VIRMA: variants seen among roughly 807,000 people sequenced by gnomAD.
VIRMA encodes protein virilizer homolog.
A neutral mutation model predicts 182.4 loss-of-function variants in VIRMA; 65 were observed. That is an observed-to-expected ratio of 0.36 (90% CI 0.29 to 0.44). VIRMA has a LOEUF of 0.44. VIRMA is among the 20% of genes least tolerant of loss of function. The probability of loss-of-function intolerance (pLI) is 1.00; values close to 1 mark genes in which losing one functional copy is unlikely to be tolerated. For missense variants in VIRMA, 1,752 were observed against 2,158.1 expected, an observed-to-expected ratio of 0.81 and a Z score of 3.73; for synonymous variants, 709 against 743.1, an observed-to-expected ratio of 0.95 and a Z score of 0.75.
Position 94,506,531 on chromosome 8 carries a change from C to G in VIRMA, c.4066G>C (p.Glu1356Gln). The change falls in exon 16 of 24, where the codon GAG (glutamate) becomes CAG (glutamine). Residue 1356 changes from glutamate (E) to glutamine (Q), a missense_variant. By Grantham distance (29) the Glu-to-Gln change is conservative. This residue lies in a region of VIRMA where 777 missense variants were observed against 920.6 expected (regional missense o/e 0.84). Coordinates refer to ENST00000297591, the MANE Select transcript of VIRMA (RefSeq NM_015496.5). ...TCVRTMMFLAEHDYGLFHLKS... is the reference protein window; with the variant it reads ...TCVRTMMFLAQHDYGLFHLKS... ...AAATGAAATAATCCATAATCATGCTCTGCAAGAAACATCATTGTTCTGACA... is the reference window on the plus strand; with the variant it reads ...AAATGAAATAATCCATAATCATGCTGTGCAAGAAACATCATTGTTCTGACA... The G allele has an allele frequency of 1.2e-6, 2 of 1,612,078 alleles. No individual in the cohort carries two copies. Among genetic ancestry groups the G allele is most frequent in the Non-Finnish European group, 1.7e-6 (2 of 1,178,482 alleles).
At chr8:94,551,012 G>A (rs960610874) in intron 1 of VIRMA, among the ~76,000 whole-genome samples, 1 of 152,160 alleles carries the variant, frequency 6.6e-6, no homozygotes, top group African/African-American at 2.4e-5. Flanking sequence ...GAGCCACTGC[G>A]CCTGGCCTAA....
intron 22 of VIRMA, among the ~76,000 whole-genome samples, chr8:94,490,848 C>CAA (rs531665311): frequency 7.1e-6 from 1 of 140,818 alleles, no homozygotes; most frequent in Non-Finnish European, 1.6e-5. Flanking sequence ...ACTCTGTCTC[C>CAA]AAAAAAAAAA....
intron 15 of VIRMA, 139 bp downstream of exon 15, chr8:94,509,549 T>C: frequency 1.2e-6 from 1 of 855,942 alleles, no homozygotes; most frequent in East Asian, 2.8e-5. Flanking sequence ...AGAGAACCCA[T>C]GAACAACAGC....
intron 17 of VIRMA, chr8:94,496,897 G>C (rs1813799613): frequency 6.5e-6 from 1 of 153,780 alleles, no homozygotes; most frequent in Admixed American, 6.5e-5. Flanking sequence ...ACTATATTCT[G>C]TCACATAGAA....
chr8:94,534,747 A>C (rs1489109205), intron 5 of VIRMA, 92 bp downstream of exon 5: 3 of 1,486,886 alleles, frequency 2.0e-6, no homozygotes, highest in Admixed American at 4.0e-5. Flanking sequence ...ATAAAACAAA[A>C]ACAAAAGGTA....
rs767185847 is a variant in VIRMA at position 94,509,952 on chromosome 8, T to C, written c.3627-12A>G. On this transcript the variant is annotated splice_polypyrimidine_tract_variant and intron_variant, in intron 14 of 23. Coordinates refer to ENST00000297591, the MANE Select transcript of VIRMA (RefSeq NM_015496.5). Reference sequence around the variant, plus strand: ...TATCTTCTGAAGTGCTGAAATAAAATCGATACATTTAGTAAACAAAGTTCT... The same window carrying C: ...TATCTTCTGAAGTGCTGAAATAAAACCGATACATTTAGTAAACAAAGTTCT... 1.9e-6 allele frequency: 3 copies of C among 1,592,266 alleles called. No homozygotes were observed. The highest frequency in any genetic ancestry group is 1.4e-5 in the African/African-American group (1 of 73,924).
chr8:94,499,463 G>T lies in VIRMA; in HGVS notation c.4141C>A (p.Arg1381=). The change falls in exon 17 of 24, where the codon CGA becomes AGA. Residue 1381 remains arginine (R), a synonymous_variant. Coordinates refer to ENST00000297591, the MANE Select transcript of VIRMA (RefSeq NM_015496.5). The stretch of plus-strand genomic sequence containing the variant: ...TCCTTACTAAATGTGCTGACCACTC[G>T]TTTCAGTAAACTATGCAGAGCACTA... The part of the protein sequence containing the change: ...NSSALHSLLK[R]VVSTFSKDTG... 1.2e-6 allele frequency: 2 copies of T among 1,608,318 alleles called. No individual in the cohort carries two copies. Among genetic ancestry groups the T allele is most frequent in the South Asian group, 1.1e-5 (1 of 90,880 alleles).
chr8:94,538,823 A>T (rs1391327036), intron 2 of VIRMA, among the ~76,000 whole-genome samples: 2 of 152,128 alleles, frequency 1.3e-5, no homozygotes, highest in Non-Finnish European at 2.9e-5. Context: ...TATGTTAGCC[A>T]GGCTGGTCTC....
Position 94,510,638 on chromosome 8 carries a change from A to C in VIRMA, c.3405T>G (p.His1135Gln). ...PMQTTQVIEPHDISVALNTRK... is the reference protein window; with the variant it reads ...PMQTTQVIEPQDISVALNTRK... Reference sequence around the variant, plus strand: ...GGGTGTTGAGTGCCACTGATATATCATGTGGCTCAATAACCTGTTAAAAAA... The same window carrying C: ...GGGTGTTGAGTGCCACTGATATATCCTGTGGCTCAATAACCTGTTAAAAAA... Residue 1135 changes from histidine to glutamine, a missense_variant, in exon 14 of 24, where the codon CAT (histidine) becomes CAG (glutamine). Physicochemically the swap from His to Gln is conservative, Grantham distance 24. This residue lies in a region of VIRMA where 777 missense variants were observed against 920.6 expected (regional missense o/e 0.84). Coordinates refer to ENST00000297591, the MANE Select transcript of VIRMA (RefSeq NM_015496.5). The C allele has an allele frequency of 6.2e-7, 1 of 1,612,536 alleles. No individual in the cohort carries two copies. Among genetic ancestry groups the C allele is most frequent in the Non-Finnish European group, 8.5e-7 (1 of 1,178,582 alleles).
At position 94,495,767 on chromosome 8, in the gene VIRMA, G is replaced by A. The variant is rs1361352866; in HGVS notation, c.4508C>T (p.Ser1503Leu). ...CAGATTCTGAAGAGATTCTGGAGCTGAAAGTACTGGTTCTACATCCTGGTC... is the reference window on the plus strand; with the variant it reads ...CAGATTCTGAAGAGATTCTGGAGCTAAAAGTACTGGTTCTACATCCTGGTC... ...LSDQDVEPVL[S>L]APESLQNLFN... Residue 1503 changes from serine (S) to leucine (L), a missense_variant, in exon 19 of 24, where the codon TCA becomes TTA. By Grantham distance (145) the Ser-to-Leu change is moderately radical. Coordinates refer to ENST00000297591, the MANE Select transcript of VIRMA (RefSeq NM_015496.5). 2 of 1,613,812 alleles carry A rather than the reference G, an allele frequency of 1.2e-6. No individual in the cohort carries two copies. The highest frequency in any genetic ancestry group is 2.2e-5 in the East Asian group (1 of 44,854).
chr8:94,506,380 C>T, intron 16 of VIRMA, 120 bp downstream of exon 16: 1 of 636,992 alleles, frequency 1.6e-6, no homozygotes, highest in South Asian at 2.2e-5. Flanking sequence ...AAAATTTCTC[C>T]CACGAAAGAA....
chr8:94,518,061 C>A (rs1814623422), intron 9 of VIRMA, 119 bp from the exon 10 acceptor site: 2 of 645,082 alleles, frequency 3.1e-6, no homozygotes, highest in Non-Finnish European at 5.2e-6. Context: ...TAAAACATGA[C>A]TAACTGTCTG....
Position 94,534,992 on chromosome 8 carries a change from G to C in VIRMA, c.331C>G (p.Leu111Val), listed in dbSNP as rs1815292618. The C allele has an allele frequency of 6.2e-7, 1 of 1,600,592 alleles. No individual in the cohort carries two copies. Among genetic ancestry groups the C allele is most frequent in the Non-Finnish European group, 8.5e-7 (1 of 1,176,442 alleles). Reference sequence around the variant, plus strand: ...CAGTTATACCAGCCTCTTAGCACCAGACCATCAGTATTCACCTGATTTTCA... The same window carrying C: ...CAGTTATACCAGCCTCTTAGCACCACACCATCAGTATTCACCTGATTTTCA... ...RPNSKVNTDG[L>V]VLRGWYNCLT... is the part of the protein sequence containing the mutation. The change falls in exon 5 of 24, where the codon CTG (leucine) becomes GTG (valine). Residue 111 changes from leucine to valine, a missense_variant. By Grantham distance (32) the Leu-to-Val change is conservative (BLOSUM62 1). Coordinates refer to ENST00000297591, the MANE Select transcript of VIRMA (RefSeq NM_015496.5).
chr8:94,493,445 G>A (rs1475785067), intron 20 of VIRMA, among the ~76,000 whole-genome samples: 2 of 152,128 alleles, frequency 1.3e-5, no homozygotes, highest in African/African-American at 2.4e-5. Flanking sequence ...GCTGCCCAAC[G>A]TGGTAGCCAC....
intron 8 of VIRMA, 69 bp from the exon 9 acceptor site, chr8:94,519,545 A>C (rs1586088216): frequency 6.8e-7 from 1 of 1,469,744 alleles, no homozygotes; most frequent in East Asian, 2.3e-5. Flanking sequence ...ATATTCAGAC[A>C]AGACACTGAT....
At chr8:94,538,945 AGGCT>A (rs1026462591) in intron 2 of VIRMA, among the ~76,000 whole-genome samples, 1 of 151,716 alleles carries the variant, frequency 6.6e-6, no homozygotes, top group African/African-American at 2.4e-5. Flanking sequence ...TTTCTTGCCC[AGGCT>A]GGGGTGCAGT....
chr8:94,527,307 G>A lies in VIRMA; in HGVS notation c.937C>T (p.Arg313Cys), dbSNP rs1281361749. ...AAGTTTGGATACTTAAATGTTTCAC[G>A]TTCCAAGTCAGCAATTCCATCTTCA... Reference protein sequence around the residue: ...SDEDGIADLERETFKYPNFDV... With the variant: ...SDEDGIADLECETFKYPNFDV... Residue 313 changes from arginine to cysteine, a missense_variant, in exon 8 of 24, where the codon CGT becomes TGT. Around this residue, in one of 11 missense-constraint regions of VIRMA, gnomAD observed 31 missense variants for 68.4 expected, o/e 0.45. Transcript: ENST00000297591. The A allele has an allele frequency of 5.0e-6, 8 of 1,597,210 alleles. No homozygotes were observed. Among genetic ancestry groups the A allele is most frequent in the Non-Finnish European group, 6.0e-6 (7 of 1,170,092 alleles).
Position 94,499,390 on chromosome 8 carries a change from A to T in VIRMA, c.4214T>A (p.Leu1405His). The T allele has an allele frequency of 6.3e-7, 1 of 1,579,774 alleles. No individual in the cohort carries two copies. The highest frequency in any genetic ancestry group is 8.6e-7 in the Non-Finnish European group (1 of 1,163,042). ...SSFLEFMRQI[L>H]NSDTIGCCGD... The stretch of plus-strand genomic sequence containing the variant: ...CATACTTACAATTGTGTCAGAGTTA[A>T]GAATTTGTCTCATAAATTCTAAAAA... Residue 1405 changes from leucine (L) to histidine (H), a missense_variant, in exon 17 of 24, where the codon CTT (leucine) becomes CAT (histidine). Physicochemically the swap from Leu to His is moderately conservative, Grantham distance 99. Coordinates refer to ENST00000297591, the MANE Select transcript of VIRMA (RefSeq NM_015496.5).
rs373523044 is a variant in VIRMA at position 94,530,939 on chromosome 8, C to T, written c.607+24G>A. 4.4e-6 allele frequency: 7 copies of T among 1,593,986 alleles called. No homozygotes were observed. The African/African-American group carries it at 6.8e-5, about 16-fold the overall frequency. On this transcript the variant is annotated intron_variant, in intron 6 of 23. Transcript: ENST00000297591. ...ATGTACTATTAACTAGGGGGGAAAA[C>T]CTTAGCACTGGTTTTATTTATACCT... is the stretch of plus-strand genomic sequence containing the variant.
Sources: gnomAD v4.1 joint callset for allele counts (sites outside exome capture counted in the v4.1 genomes callset) on GRCh38, gnomAD v4.1.1 for gene constraint, gnomAD v4.1.1 regional missense constraint, MANE v1.5 for transcripts, NCBI Gene and HGNC (gene_info 2026-07-23, HGNC 2026-07-21) for gene names.